The following CMTR1 variants were observed in gnomAD, a reference collection of about 807,000 sequenced individuals.
The protein encoded by CMTR1 is cap-specific mRNA (nucleoside-2'-O-)-methyltransferase 1.
Under a neutral mutation model 107.0 loss-of-function variants are expected in CMTR1, and 39 were observed. That is an observed-to-expected ratio of 0.36 (90% CI 0.28 to 0.48). The LOEUF (loss-of-function observed/expected upper bound fraction) is 0.48, where lower values mean the gene tolerates loss of function less well. Ranked by LOEUF, CMTR1 falls within the 20% of genes least tolerant of loss-of-function variation. The probability of loss-of-function intolerance (pLI) is 0.99; values close to 1 mark genes in which losing one functional copy is unlikely to be tolerated. For missense variants in CMTR1, 672 were observed against 1,064.9 expected, an observed-to-expected ratio of 0.63 and a Z score of 5.14; for synonymous variants, 366 against 379.5, an observed-to-expected ratio of 0.96 and a Z score of 0.41.
intron 6 of CMTR1, among the ~76,000 whole-genome samples, chr6:37,452,399 C>T (rs1216702511): frequency 6.6e-6 from 1 of 152,174 alleles, no homozygotes; most frequent in Non-Finnish European, 1.5e-5. Flanking sequence ...AATTGAGAAT[C>T]ACATTGTGTG....
In CMTR1 at chr6:37,479,129, C is replaced by A. The variant is rs780892847; in HGVS notation, c.2267-18C>A. ...CTTTGTGTCCCTTCTGGGCTTCATC[C>A]CCTCTTCCTCCCATCAGAGCCCTGG... On this transcript the variant is annotated intron_variant, in intron 22 of 23. Transcript: ENST00000373451. 1 of 1,579,750 alleles carries A rather than the reference C, an allele frequency of 6.3e-7. No homozygotes were observed. The highest frequency in any genetic ancestry group is 1.1e-5 in the South Asian group (1 of 90,340).
chr6:37,469,776 C>T (rs1761586139), intron 13 of CMTR1, among the ~76,000 whole-genome samples: 1 of 151,914 alleles, frequency 6.6e-6, no homozygotes, highest in South Asian at 2.1e-4. Context: ...GATCCGCCAA[C>T]CTTAACTTTC....
intron 13 of CMTR1, among the ~76,000 whole-genome samples, chr6:37,467,695 TA>T (rs1761535269): frequency 6.6e-6 from 1 of 152,342 alleles, no homozygotes; most frequent in South Asian, 2.1e-4. Context: ...ATTGACCTTT[TA>T]TTGTTATGAA....
chr6:37,453,429 C>G, intron 8 of CMTR1, 117 bp downstream of exon 8: 1 of 1,007,702 alleles, frequency 9.9e-7, no homozygotes, highest in Non-Finnish European at 1.5e-6. Flanking sequence ...GATGGAGATA[C>G]TTTGCTTTGA....
chr6:37,476,268 A>G, intron 20 of CMTR1, 74 bp downstream of exon 20: 1 of 1,498,794 alleles, frequency 6.7e-7, no homozygotes, highest in Non-Finnish European at 9.3e-7. Context: ...GAGGGACAGG[A>G]GGGCTCAGTG....
chr6:37,475,942 G>C (rs910781848), intron 19 of CMTR1, 184 bp from the exon 20 acceptor site: 46 of 607,278 alleles, frequency 7.6e-5, no homozygotes, highest in African/African-American at 5.7e-4. Flanking sequence ...GGCGGGGCAT[G>C]AATAAAGACG....
At chr6:37,479,098 C>A in intron 22 of CMTR1, 49 bp from the exon 23 acceptor site, 1 of 1,355,806 alleles carries the variant, frequency 7.4e-7, no homozygotes, top group Non-Finnish European at 1.1e-6. Context: ...CTGTCCTCCA[C>A]AAGTGCTTTG....
chr6:37,474,996 A>G (rs947801760), intron 18 of CMTR1, among the ~76,000 whole-genome samples: 2 of 152,186 alleles, frequency 1.3e-5, no homozygotes, highest in African/African-American at 4.8e-5. Flanking sequence ...TATGAAATCT[A>G]TATGGTGACA....
At chr6:37,474,736 T>C (rs1213117220) in intron 18 of CMTR1, 90 bp downstream of exon 18, 2 of 1,560,522 alleles carry the variant, frequency 1.3e-6, no homozygotes, top group Non-Finnish European at 1.7e-6. Flanking sequence ...TTAACTTGGT[T>C]ACATTGTGTG....
intron 17 of CMTR1, among the ~76,000 whole-genome samples, chr6:37,474,214 C>T (rs1761687514): frequency 6.6e-6 from 1 of 152,168 alleles, no homozygotes; most frequent in Admixed American, 6.5e-5. Context: ...TTCACTAAAC[C>T]CACCTTAGAC....
chr6:37,438,920 C>T (rs1462951220), intron 2 of CMTR1, among the ~76,000 whole-genome samples: 1 of 152,156 alleles, frequency 6.6e-6, no homozygotes, highest in Non-Finnish European at 1.5e-5. Context: ...CCATTTACTG[C>T]AGCCACTTCT....
chr6:37,460,742 A>C (rs1761386740), intron 10 of CMTR1, among the ~76,000 whole-genome samples: 1 of 152,108 alleles, frequency 6.6e-6, no homozygotes, highest in Admixed American at 6.6e-5. Context: ...CATCTTAATC[A>C]TTTTTAAGTG....
chr6:37,475,883 T>C, intron 19 of CMTR1: 1 of 541,592 alleles, frequency 1.8e-6, no homozygotes, highest in African/African-American at 1.9e-5. Flanking sequence ...GAAGGCACAC[T>C]TCAGGAAAAC....
intron 13 of CMTR1, among the ~76,000 whole-genome samples, chr6:37,464,121 G>T (rs185857251): frequency 1.1e-4 from 17 of 152,246 alleles, no homozygotes; most frequent in Admixed American, 2.0e-4. Context: ...AATCTTAAGT[G>T]TATAATCAGT....
At chr6:37,424,639 C>T in the CMTR1 span, among the ~76,000 whole-genome samples, 1 of 151,944 alleles carries the variant, frequency 6.6e-6, no homozygotes, top group African/African-American at 2.4e-5. Flanking sequence ...AGTTGCAAAC[C>T]AAAGTTAAAA....
At chr6:37,430,388 TTA>T (rs555476305), upstream of CMTR1, among the ~76,000 whole-genome samples, 2 of 141,466 alleles carry the variant, frequency 1.4e-5, no homozygotes, top group Non-Finnish European at 3.2e-5. Flanking sequence ...CTTGGGTATT[TTA>T]TATATATATG....
At chr6:37,457,219 A>G (rs1232807379) in intron 8 of CMTR1, among the ~76,000 whole-genome samples, 1 of 141,630 alleles carries the variant, frequency 7.1e-6, no homozygotes, top group Non-Finnish European at 1.5e-5. Flanking sequence ...CTCGTTGCCA[A>G]AAAAAAAAAA....
At chr6:37,431,040 C>G (rs1161618721), upstream of CMTR1, among the ~76,000 whole-genome samples, 1 of 145,304 alleles carries the variant, frequency 6.9e-6, no homozygotes, top group Admixed American at 6.8e-5. Flanking sequence ...AAAAAAGATT[C>G]AAAGTTCGTG....
At position 37,471,823 on chromosome 6, in the gene CMTR1, C is replaced by T; in HGVS notation, c.1563-24C>T. ...TCCTGTGCCTCTTAGAGATTTTAAT[C>T]ACTAACTGGCTTCATATTCCCAGGA... is the stretch of plus-strand genomic sequence containing the variant. On this transcript the variant is annotated intron_variant, in intron 14 of 23. Transcript: ENST00000373451. 5 of 1,612,978 alleles carry T rather than the reference C, an allele frequency of 3.1e-6. No homozygotes were observed. In the South Asian group the frequency reaches 4.4e-5, roughly 14 times the overall value.
Sources: gnomAD v4.1 joint callset for allele counts (sites outside exome capture counted in the v4.1 genomes callset) on GRCh38, gnomAD v4.1.1 for gene constraint, MANE v1.5 for transcripts, NCBI Gene and HGNC (gene_info 2026-07-23, HGNC 2026-07-21) for gene names.